The following CNTNAP2 variants were observed in gnomAD, a reference collection of about 807,000 sequenced individuals.
CNTNAP2 encodes the protein contactin associated protein 2, also known as contactin-associated protein-like 2.
CNTNAP2 carries 98 observed loss-of-function variants against 155.2 expected under a neutral mutation model. That is an observed-to-expected ratio of 0.63 (90% CI 0.54 to 0.75). The LOEUF is 0.75. Among genes scored for constraint, CNTNAP2 ranks in the 30% least tolerant of loss-of-function variants. The pLI is 0.00. For missense variants in CNTNAP2, 1,727 were observed against 1,688.1 expected (o/e 1.02, Z -0.40); for synonymous variants, 651 against 631.2 (o/e 1.03, Z -0.47).
At chr7:146,442,420 T>C (rs1383084283) in intron 1 of CNTNAP2, among the ~76,000 whole-genome samples, 3 of 147,078 alleles carry the variant, frequency 2.0e-5, no homozygotes, top group Non-Finnish European at 4.4e-5. Flanking sequence ...TAGGAAAAAT[T>C]CTCAATCCAT....
Position 146,781,010 on chromosome 7 carries a change from C to A in CNTNAP2, c.208+6629C>A, listed in dbSNP as rs141078820. Among the ~76,000 whole-genome samples the A allele has an allele frequency of 3.3e-3, 500 of 152,124 alleles. 4 individuals carry two copies. Among genetic ancestry groups the A allele is most frequent in the African/African-American group, 0.012 (478 of 41,518 alleles). Reference sequence around the variant, plus strand: ...TTGGGAGGCCGAGGCAGGTGGATCACGAGGTCAGGAGATCCAGACCATCCT... The same window carrying A: ...TTGGGAGGCCGAGGCAGGTGGATCAAGAGGTCAGGAGATCCAGACCATCCT... On this transcript the variant is annotated intron_variant, in intron 2 of 23. Coordinates refer to ENST00000361727, the MANE Select transcript of CNTNAP2 (RefSeq NM_014141.6).
At chr7:147,354,470 C>A (rs1053589364) in intron 9 of CNTNAP2, among the ~76,000 whole-genome samples, 2 of 151,932 alleles carry the variant, frequency 1.3e-5, no homozygotes, top group African/African-American at 4.8e-5. Context: ...ATTTCTGAGG[C>A]CTCTGTTCTG....
Position 146,696,889 on chromosome 7 carries a change from C to A in CNTNAP2, c.98-77382C>A, listed in dbSNP as rs1383398478. Among the ~76,000 whole-genome samples the A allele has an allele frequency of 2.6e-5, 4 of 152,216 alleles. No individual in the cohort carries two copies. The South Asian group carries it at 8.3e-4, about 32-fold the overall frequency. The stretch of plus-strand genomic sequence containing the variant: ...TGTAACAGTATACTTTAAATAACTT[C>A]AATAGTTTAAATTCATTAAGCTGTG... On this transcript the variant is annotated intron_variant, in intron 1 of 23. Transcript: ENST00000361727.
chr7:148,003,036 A>G (rs1801924171), intron 15 of CNTNAP2, among the ~76,000 whole-genome samples: 1 of 152,192 alleles, frequency 6.6e-6, no homozygotes, highest in African/African-American at 2.4e-5. Flanking sequence ...GGGCCTACAG[A>G]GAAGGCGATT....
intron 21 of CNTNAP2, among the ~76,000 whole-genome samples, chr7:148,267,548 G>T (rs529114268): frequency 6.6e-6 from 1 of 151,920 alleles, no homozygotes; most frequent in African/African-American, 2.4e-5. Context: ...CCAGCTACTC[G>T]GGAGGCTGAG....
chr7:147,033,632 A>G (rs1458315308), intron 3 of CNTNAP2, among the ~76,000 whole-genome samples: 2 of 152,264 alleles, frequency 1.3e-5, no homozygotes, highest in South Asian at 2.1e-4. Context: ...GCACATTTAT[A>G]TTCATTTACT....
chr7:147,518,182 G>A (rs1001957302), intron 11 of CNTNAP2, among the ~76,000 whole-genome samples: 1 of 152,214 alleles, frequency 6.6e-6, no homozygotes, highest in Admixed American at 6.5e-5. Flanking sequence ...TACCTGCGGT[G>A]TATCATCCTT....
intron 12 of CNTNAP2, among the ~76,000 whole-genome samples, chr7:147,620,744 T>C (rs978781991): frequency 6.6e-6 from 1 of 151,860 alleles, no homozygotes; most frequent in African/African-American, 2.4e-5. Flanking sequence ...ATCTACAGGA[T>C]CTAGAAAATA....
chr7:147,197,396 T>G (rs566744791), intron 8 of CNTNAP2, among the ~76,000 whole-genome samples: 1 of 151,180 alleles, frequency 6.6e-6, no homozygotes, highest in Non-Finnish European at 1.5e-5. Flanking sequence ...TGTCACTTGA[T>G]TCTTTTCTTG....
chr7:147,012,973 A>C lies in CNTNAP2; in HGVS notation c.403-30934A>C, dbSNP rs573142329. On this transcript the variant is annotated intron_variant, in intron 3 of 23. Transcript: ENST00000361727. ...TCCAAGTTGACAACTCTTATAGATG[A>C]TAAAAATCAAATTAATGGATCAACA... Among the ~76,000 whole-genome samples the C allele has an allele frequency of 2.0e-5, 3 of 152,246 alleles. No individual in the cohort carries two copies. In the East Asian group the frequency reaches 5.8e-4, roughly 29 times the overall value.
chr7:146,655,966 T>C (rs1045743454), intron 1 of CNTNAP2, among the ~76,000 whole-genome samples: 2 of 152,224 alleles, frequency 1.3e-5, no homozygotes, highest in African/African-American at 4.8e-5. Flanking sequence ...TTTGTTTGGG[T>C]GATTTCCACT....
chr7:147,698,572 CT>C (rs1344281088), intron 13 of CNTNAP2, among the ~76,000 whole-genome samples: 1 of 151,966 alleles, frequency 6.6e-6, no homozygotes, highest in African/African-American at 2.4e-5. Flanking sequence ...AATGACAGGA[CT>C]TTTTTTTAAG....
At chr7:147,516,565 T>C (rs939973830) in intron 11 of CNTNAP2, among the ~76,000 whole-genome samples, 1 of 152,082 alleles carries the variant, frequency 6.6e-6, no homozygotes, top group African/African-American at 2.4e-5. Flanking sequence ...GTATGTGCAA[T>C]AGTTTTTCCC....
At chr7:146,982,896 CTGTT>C (rs1798045918) in intron 3 of CNTNAP2, among the ~76,000 whole-genome samples, 1 of 152,012 alleles carries the variant, frequency 6.6e-6, no homozygotes, top group African/African-American at 2.4e-5. Context: ...TGTTTGATAT[CTGTT>C]TGTTATTATC....
chr7:146,241,080 T>C (rs1799552783), intron 1 of CNTNAP2, among the ~76,000 whole-genome samples: 1 of 152,122 alleles, frequency 6.6e-6, no homozygotes, highest in African/African-American at 2.4e-5. Context: ...ATTGCCAAGA[T>C]AGCACCAAGC....
chr7:147,506,982 G>A (rs1325956729), intron 11 of CNTNAP2, among the ~76,000 whole-genome samples: 1 of 152,040 alleles, frequency 6.6e-6, no homozygotes, highest in African/African-American at 2.4e-5. Context: ...GAAAATGATT[G>A]TATTTACCTT....
chr7:147,423,087 A>G (rs1797322248), intron 10 of CNTNAP2, among the ~76,000 whole-genome samples: 1 of 152,194 alleles, frequency 6.6e-6, no homozygotes, highest in South Asian at 2.1e-4. Context: ...TTGCAGGCCG[A>G]CCACCACCAG....
intron 13 of CNTNAP2, among the ~76,000 whole-genome samples, chr7:147,752,795 A>G (rs1797156991): frequency 6.6e-6 from 1 of 152,208 alleles, no homozygotes; most frequent in Non-Finnish European, 1.5e-5. Flanking sequence ...TTCCTAATTT[A>G]AAGAGTTTAA....
intron 1 of CNTNAP2, among the ~76,000 whole-genome samples, chr7:146,397,700 T>C (rs890961847): frequency 6.6e-6 from 1 of 152,012 alleles, no homozygotes. Flanking sequence ...TCCAAATTTA[T>C]ACCCATACCA....
Sources: allele counts gnomAD v4.1 joint callset (sites outside exome capture counted in the v4.1 genomes callset), GRCh38; gene constraint gnomAD v4.1.1; transcripts MANE v1.5; gene names NCBI Gene and HGNC (gene_info 2026-07-23, HGNC 2026-07-21).